LPP: variants seen among roughly 807,000 people sequenced by gnomAD.
The protein encoded by LPP is lipoma-preferred partner.
LPP carries 38 observed loss-of-function variants against 60.4 expected under a neutral mutation model. That is an observed-to-expected ratio of 0.63 (90% CI 0.49 to 0.83). The LOEUF (loss-of-function observed/expected upper bound fraction) is 0.83. LPP is among the 40% of genes least tolerant of loss of function. LPP has a pLI of 0.00. For synonymous variants in LPP, 328 were observed against 290.8 expected, an observed-to-expected ratio of 1.13 and a Z score of -1.30; for missense variants, 902 against 783.6, an observed-to-expected ratio of 1.15 and a Z score of -1.80.
At chr3:188,522,704 C>T (rs901165916) in intron 5 of LPP, among the ~76,000 whole-genome samples, 87 of 148,846 alleles carry the variant, frequency 5.8e-4, no homozygotes, top group African/African-American at 1.9e-3. Context: ...AATAACATGA[C>T]GTGATGTAGA....
intron 3 of LPP, among the ~76,000 whole-genome samples, chr3:188,363,826 T>G (rs1316644167): frequency 6.9e-6 from 1 of 145,544 alleles, no homozygotes; most frequent in Non-Finnish European, 1.5e-5. Context: ...AATCCCTTGA[T>G]CCTGGGAGGT....
intron 3 of LPP, among the ~76,000 whole-genome samples, chr3:188,358,709 G>T (rs1225367049): frequency 6.6e-6 from 1 of 151,910 alleles, no homozygotes; most frequent in East Asian, 1.9e-4. Flanking sequence ...GAGGGTTTGT[G>T]GTGGAAGGAG....
intron 2 of LPP, among the ~76,000 whole-genome samples, chr3:188,248,261 G>C (rs1325772433): frequency 4.6e-5 from 7 of 151,894 alleles, no homozygotes; most frequent in Non-Finnish European, 8.8e-5. Context: ...GGAGCGAAAG[G>C]GTTAGCGTTT....
chr3:188,878,791 AAGAG>A lies in LPP; in HGVS notation c.*4318_*4321del, dbSNP rs1161880708. The A allele has an allele frequency of 9.6e-6, 2 of 209,370 alleles. No homozygotes were observed. Among genetic ancestry groups the A allele is most frequent in the Non-Finnish European group, 1.9e-5 (2 of 103,076 alleles). The allele number at this position is 209,370 out of a possible 1,614,324, so 13.0% of individuals were successfully genotyped here. A position where few individuals can be genotyped will look rare whatever the true frequency, so the allele number is the denominator to read the frequency against. On this transcript the variant is annotated 3_prime_UTR_variant, in exon 12 of 12. Transcript: ENST00000617246. ...AAAAAAAAAAGAAAGAAAGAAAAGA[AAGAG>A]AGAGAAGTCAACTTTTCATCTTAAT...
At chr3:188,655,337 G>A (rs2149028341) in intron 7 of LPP, among the ~76,000 whole-genome samples, 2 of 152,260 alleles carry the variant, frequency 1.3e-5, no homozygotes, top group East Asian at 3.9e-4. Context: ...TGGTATCAGG[G>A]TCAAGATGAG....
At chr3:188,616,829 A>G (rs1283474465) in intron 7 of LPP, among the ~76,000 whole-genome samples, 1 of 152,100 alleles carries the variant, frequency 6.6e-6, no homozygotes, top group Non-Finnish European at 1.5e-5. Flanking sequence ...GTCCTTAAGC[A>G]CTTCAAATAT....
chr3:188,524,922 TCC>T, intron 6 of LPP, 135 bp downstream of exon 6: 1 of 640,368 alleles, frequency 1.6e-6, no homozygotes, highest in Non-Finnish European at 2.5e-6. Context: ...CTTCCTTCCT[TCC>T]TTCCTTCCTT....
At chr3:188,272,978 C>T (rs927884340) in intron 2 of LPP, among the ~76,000 whole-genome samples, 4 of 152,182 alleles carry the variant, frequency 2.6e-5, no homozygotes, top group South Asian at 2.1e-4. Flanking sequence ...TATTTACTAA[C>T]GAGCAAAGCG....
chr3:188,784,566 C>A (rs1740975072), intron 9 of LPP, among the ~76,000 whole-genome samples: 1 of 44,764 alleles, frequency 2.2e-5, no homozygotes, highest in Non-Finnish European at 3.6e-5. Context: ...TATATATATT[C>A]CATCATATAT....
At chr3:188,839,698 C>A (rs1345529908) in intron 9 of LPP, among the ~76,000 whole-genome samples, 1 of 151,272 alleles carries the variant, frequency 6.6e-6, no homozygotes, top group African/African-American at 2.4e-5. Flanking sequence ...CATGGTTAAA[C>A]CTCATCTCTA....
chr3:188,593,437 TTC>T (rs1411353706), intron 6 of LPP, among the ~76,000 whole-genome samples: 2 of 152,214 alleles, frequency 1.3e-5, no homozygotes, highest in African/African-American at 2.4e-5. Flanking sequence ...GATAATTTTT[TTC>T]TTTTTTAATT....
chr3:188,242,911 A>G (rs1378352710), intron 2 of LPP, among the ~76,000 whole-genome samples: 2 of 152,188 alleles, frequency 1.3e-5, no homozygotes, highest in African/African-American at 4.8e-5. Context: ...TTAATGAAAA[A>G]TGAAAACAAG....
chr3:188,882,814 C>T lies in LPP; in HGVS notation c.*8335C>T, dbSNP rs1011461084. Reference sequence around the variant, plus strand: ...AGTGCAGTGGCGCAATCTCGGCTCACTGCAAGCTCCGCTTCTCGGGTTCAC... The same window carrying T: ...AGTGCAGTGGCGCAATCTCGGCTCATTGCAAGCTCCGCTTCTCGGGTTCAC... On this transcript the variant is annotated 3_prime_UTR_variant, in exon 12 of 12. Transcript: ENST00000617246. 5.5e-6 allele frequency: 1 copy of T among 182,156 alleles called. No homozygotes were observed. Among genetic ancestry groups the T allele is most frequent in the Non-Finnish European group, 1.2e-5 (1 of 85,650 alleles). The allele number at this position is 182,156 out of a possible 1,614,324, so 11.3% of individuals were successfully genotyped here. A position where few individuals can be genotyped will look rare whatever the true frequency, so the allele number is the denominator to read the frequency against.
intron 7 of LPP, among the ~76,000 whole-genome samples, chr3:188,649,424 G>C (rs1204078186): frequency 6.6e-6 from 1 of 152,180 alleles, no homozygotes; most frequent in Non-Finnish European, 1.5e-5. Flanking sequence ...TTAGTTTCAG[G>C]AGTTGTATCC....
At chr3:188,821,577 T>C (rs1753972521) in intron 9 of LPP, among the ~76,000 whole-genome samples, 2 of 152,076 alleles carry the variant, frequency 1.3e-5, no homozygotes, top group Admixed American at 1.3e-4. Flanking sequence ...TTTTTCCTTC[T>C]TCTTTTAAAC....
chr3:188,599,342 G>A (rs931410188), intron 6 of LPP, among the ~76,000 whole-genome samples: 23 of 152,054 alleles, frequency 1.5e-4, no homozygotes, highest in African/African-American at 5.6e-4. Flanking sequence ...TGTGAGTGCA[G>A]GCCCTCACCT....
intron 7 of LPP, among the ~76,000 whole-genome samples, chr3:188,655,312 A>C (rs1238452264): frequency 6.6e-6 from 1 of 152,190 alleles, no homozygotes; most frequent in Non-Finnish European, 1.5e-5. Flanking sequence ...AAAGTGCCAG[A>C]GTTTGATCAG....
chr3:188,529,421 C>A (rs779032398), intron 6 of LPP, among the ~76,000 whole-genome samples: 2 of 152,132 alleles, frequency 1.3e-5, no homozygotes, highest in Non-Finnish European at 2.9e-5. Context: ...GTGTTGTAAG[C>A]TTTTTTGAAT....
At chr3:188,763,946 A>T (rs1733219146) in intron 9 of LPP, among the ~76,000 whole-genome samples, 1 of 152,182 alleles carries the variant, frequency 6.6e-6, no homozygotes, top group South Asian at 2.1e-4. Flanking sequence ...AGAACCATCA[A>T]CAATAATGAA....
Sources: allele counts gnomAD v4.1 joint callset (sites outside exome capture counted in the v4.1 genomes callset), GRCh38; gene constraint gnomAD v4.1.1; transcripts MANE v1.5; gene names NCBI Gene and HGNC (gene_info 2026-07-23, HGNC 2026-07-21).